The following CREB5 variants were observed in gnomAD, a reference collection of about 807,000 sequenced individuals.
CREB5 encodes cyclic AMP-responsive element-binding protein 5.
CREB5 carries 19 observed loss-of-function variants against 57.1 expected under a neutral mutation model. The ratio of observed to expected loss-of-function variants is 0.33; its 90% CI spans 0.23 to 0.49. CREB5 has a LOEUF of 0.49. CREB5 is among the 20% of genes least tolerant of loss of function. The probability of loss-of-function intolerance (pLI) is 0.99; values close to 1 mark genes in which losing one functional copy is unlikely to be tolerated. For missense variants in CREB5, 579 were observed against 671.6 expected (o/e 0.86, Z 1.52); for synonymous variants, 238 against 238.3 (o/e 1.00, Z 0.01).
Position 28,820,503 on chromosome 7 carries a change from GAAA to G in CREB5, c.*1226_*1228del, listed in dbSNP as rs1206719221. On this transcript the variant is annotated 3_prime_UTR_variant, in exon 11 of 11. Transcript: ENST00000357727. ...ACTACTGGAGAAACAAAGAGAGAAA[GAAA>G]ACCCAGTGTTTCCATAGGGGCACTT... 6.6e-6 allele frequency: 1 copy of G among 151,468 alleles called. No individual in the cohort carries two copies. The highest frequency in any genetic ancestry group is 1.5e-5 in the Non-Finnish European group (1 of 67,908). The allele number at this position is 151,468 out of a possible 1,614,324, so 9.4% of individuals were successfully genotyped here.
chr7:28,483,470 T>A (rs547494656), intron 1 of CREB5, among the ~76,000 whole-genome samples: 3 of 152,232 alleles, frequency 2.0e-5, no homozygotes, highest in Non-Finnish European at 2.9e-5. Context: ...TTTTTTGTTA[T>A]CTTCCTCAAA....
chr7:28,649,133 C>A lies in CREB5; in HGVS notation c.465-69620C>A, dbSNP rs551826328. Among the ~76,000 whole-genome samples, 4 of 152,284 alleles carry A rather than the reference C, an allele frequency of 2.6e-5. No individual in the cohort carries two copies. In the South Asian group the frequency reaches 8.3e-4, roughly 32 times the overall value. ...TATGTGGTCAAAGGTGAACTATATA[C>A]GAAGCAGGCAGTTGAAATCTCTGTG... On this transcript the variant is annotated intron_variant, in intron 5 of 10. Coordinates refer to ENST00000357727, the MANE Select transcript of CREB5 (RefSeq NM_182898.4).
rs145829663 is a variant in CREB5, at chr7:28,481,113, C to T, written c.4-7062C>T. Among the ~76,000 whole-genome samples, 861 of 152,362 alleles carry T rather than the reference C, an allele frequency of 5.7e-3. 5 individuals are homozygous for T. Among genetic ancestry groups the T allele is most frequent in the Middle Eastern group, 0.01 (3 of 294 alleles). ...CGTGAGAGGACGTGAGCCCCCAGCACTCTCTCCTGTTACGGCCCCCTCTGG... is the reference window on the plus strand; with the variant it reads ...CGTGAGAGGACGTGAGCCCCCAGCATTCTCTCCTGTTACGGCCCCCTCTGG... On this transcript the variant is annotated intron_variant, in intron 1 of 10. Coordinates refer to ENST00000357727, the MANE Select transcript of CREB5 (RefSeq NM_182898.4).
intron 5 of CREB5, among the ~76,000 whole-genome samples, chr7:28,589,901 A>G (rs897360728): frequency 1.3e-5 from 2 of 151,936 alleles, no homozygotes; most frequent in African/African-American, 4.8e-5. Flanking sequence ...CAGCTCCTCT[A>G]CTCCCTCTGT....
Position 28,592,441 on chromosome 7 carries a change from A to G in CREB5, c.464+21904A>G, listed in dbSNP as rs554468004. On this transcript the variant is annotated intron_variant, in intron 5 of 10. Coordinates refer to ENST00000357727, the MANE Select transcript of CREB5 (RefSeq NM_182898.4). The stretch of plus-strand genomic sequence containing the variant: ...TTTACTTTTTTTATTTCTTAAGCAA[A>G]TGTTTGAAACAGATTAACTTAGAAG... Among the ~76,000 whole-genome samples, 7 of 152,314 alleles carry G rather than the reference A, an allele frequency of 4.6e-5. No individual in the cohort carries two copies. The East Asian group carries it at 1.2e-3, about 25-fold the overall frequency.
At chr7:28,631,203 G>A (rs1234818047) in intron 5 of CREB5, among the ~76,000 whole-genome samples, 2 of 152,154 alleles carry the variant, frequency 1.3e-5, no homozygotes, top group African/African-American at 4.8e-5. Context: ...ATCACTGACT[G>A]CTTTAATCTG....
intron 1 of CREB5, among the ~76,000 whole-genome samples, chr7:28,401,041 G>A (rs1044568013): frequency 6.6e-6 from 1 of 152,108 alleles, no homozygotes; most frequent in Non-Finnish European, 1.5e-5. Flanking sequence ...GTGCTGACAC[G>A]GCACTATTAT....
At chr7:28,804,620 C>T (rs1808598405) in intron 8 of CREB5, 98 bp downstream of exon 8, 2 of 1,434,956 alleles carry the variant, frequency 1.4e-6, no homozygotes, top group Non-Finnish European at 1.9e-6. Flanking sequence ...GTTTGACAAG[C>T]CCAGGTGTTC....
At chr7:28,658,587 A>G (rs1463583927) in intron 5 of CREB5, among the ~76,000 whole-genome samples, 1 of 152,180 alleles carries the variant, frequency 6.6e-6, no homozygotes, top group African/African-American at 2.4e-5. Flanking sequence ...GCACTCATGC[A>G]CACAGAAACG....
At chr7:28,686,026 A>G in intron 5 of CREB5, 1 of 1,018,812 alleles carries the variant, frequency 9.8e-7, no homozygotes, top group Non-Finnish European at 1.4e-6. Context: ...AGCCAGAGCT[A>G]GGCGCAAAAG....
chr7:28,328,947 GA>G, intron 1 of CREB5, among the ~76,000 whole-genome samples: 1 of 152,322 alleles, frequency 6.6e-6, no homozygotes. Flanking sequence ...CACTTTTGGT[GA>G]AGCCAGTTGA....
chr7:28,361,836 C>G (rs2191828), intron 1 of CREB5, among the ~76,000 whole-genome samples: 130,524 of 152,164 alleles, frequency 0.86, 56,203 homozygotes, highest in Non-Finnish European at 0.9. Context: ...GGTAGAGGGG[C>G]TGGGGATGGA....
intron 1 of CREB5, among the ~76,000 whole-genome samples, chr7:28,339,790 A>G (rs1369253263): frequency 1.3e-5 from 2 of 152,130 alleles, no homozygotes; most frequent in East Asian, 3.9e-4. Context: ...GGAGTCATAA[A>G]CTTTAGAAAT....
In CREB5 at chr7:28,788,661, A is replaced by C. The variant is rs73079964; in HGVS notation, c.703-15538A>C. Among the ~76,000 whole-genome samples the C allele has an allele frequency of 9.3e-3, 1,414 of 152,342 alleles. 18 individuals are homozygous for C. The highest frequency in any genetic ancestry group is 0.051 in the Middle Eastern group (15 of 294). ...ACAACTTGCTCCAAAACACCAGAGAAGTGCAGAATGAGGAGCTGCCATGCT... is the reference window on the plus strand; with the variant it reads ...ACAACTTGCTCCAAAACACCAGAGACGTGCAGAATGAGGAGCTGCCATGCT... On this transcript the variant is annotated intron_variant, in intron 7 of 10. Transcript: ENST00000357727.
At chr7:28,707,557 C>T (rs911542949) in intron 5 of CREB5, among the ~76,000 whole-genome samples, 1 of 152,210 alleles carries the variant, frequency 6.6e-6, no homozygotes, top group Non-Finnish European at 1.5e-5. Context: ...CTGTCAGCCA[C>T]TATGTCTGGA....
chr7:28,803,947 C>T (rs764057179), intron 7 of CREB5, among the ~76,000 whole-genome samples: 2 of 151,926 alleles, frequency 1.3e-5, no homozygotes, highest in African/African-American at 2.4e-5. Context: ...GGATATCCTG[C>T]CCATTGGCTT....
chr7:28,577,011 CAAGAG>C (rs1347472815), intron 5 of CREB5, among the ~76,000 whole-genome samples: 1 of 152,142 alleles, frequency 6.6e-6, no homozygotes, highest in Non-Finnish European at 1.5e-5. Flanking sequence ...GCCTGGAATA[CAAGAG>C]CTTGCTTGGA....
At chr7:28,725,456 G>T (rs1803276371) in intron 7 of CREB5, among the ~76,000 whole-genome samples, 1 of 152,174 alleles carries the variant, frequency 6.6e-6, no homozygotes, top group South Asian at 2.1e-4. Context: ...AGTTCTCTTT[G>T]CTGTGCCACA....
chr7:28,527,948 C>T (rs73684391), intron 4 of CREB5, among the ~76,000 whole-genome samples: 2,949 of 152,308 alleles, frequency 0.019, 89 homozygotes, highest in African/African-American at 0.066. Context: ...CTACTGGCTA[C>T]GTGGCCTTAC....
Sources: allele counts gnomAD v4.1 joint callset (sites outside exome capture counted in the v4.1 genomes callset), GRCh38; gene constraint gnomAD v4.1.1; transcripts MANE v1.5; gene names NCBI Gene and HGNC (gene_info 2026-07-23, HGNC 2026-07-21).